The following PAMR1 variants were observed in gnomAD, a reference collection of about 807,000 sequenced individuals.
PAMR1 encodes inactive serine protease PAMR1.
In PAMR1, 88 loss-of-function variants were observed where a neutral mutation model predicts 81.8. The observed-to-expected ratio is 1.08, with a 90% CI of 0.91 to 1.28. PAMR1 has a LOEUF of 1.28. Among genes scored for constraint, PAMR1 ranks in the 50% most tolerant of loss-of-function variants. The pLI is 0.00. For missense variants in PAMR1, 935 were observed against 919.7 expected, an observed-to-expected ratio of 1.02 and a Z score of -0.21; for synonymous variants, 336 against 345.3, an observed-to-expected ratio of 0.97 and a Z score of 0.30.
chr11:35,502,384 A>C (rs1426518187), intron 1 of PAMR1, among the ~76,000 whole-genome samples: 2 of 152,114 alleles, frequency 1.3e-5, no homozygotes, highest in African/African-American at 2.4e-5. Flanking sequence ...GGCATGCATT[A>C]GCTCTTTTTC....
chr11:35,470,659 G>C lies in PAMR1; in HGVS notation c.654C>G (p.Phe218Leu), dbSNP rs1279689585. 6.2e-7 allele frequency: 1 copy of C among 1,614,160 alleles called. No individual in the cohort carries two copies. Among genetic ancestry groups the C allele is most frequent in the Admixed American group, 1.7e-5 (1 of 60,022 alleles). The part of the protein sequence containing the change: ...QSIGSSLHVL[F>L]HSDGSKNFDG... Reference sequence around the variant, plus strand: ...CAAAATTCTTGGAGCCATCGGAGTGGAAGAGGACGTGGAGTGAGGATCCTA... The same window carrying C: ...CAAAATTCTTGGAGCCATCGGAGTGCAAGAGGACGTGGAGTGAGGATCCTA... The change falls in exon 5 of 11, where the codon TTC (phenylalanine) becomes TTG (leucine). Residue 218 changes from phenylalanine (F) to leucine (L), a missense_variant. Transcript: ENST00000619888.
At chr11:35,448,975 A>C (rs1856355245) in intron 6 of PAMR1, among the ~76,000 whole-genome samples, 1 of 152,192 alleles carries the variant, frequency 6.6e-6, no homozygotes, top group Non-Finnish European at 1.5e-5. Context: ...TCACCAGTGG[A>C]GGCTGCAGCA....
chr11:35,504,423 A>AT (rs1338221027), intron 1 of PAMR1, among the ~76,000 whole-genome samples: 1 of 152,034 alleles, frequency 6.6e-6, no homozygotes, highest in African/African-American at 2.4e-5. Context: ...TCCCTCTTCA[A>AT]TTTTTTTGGT....
chr11:35,497,523 C>T (rs990447234), intron 1 of PAMR1, among the ~76,000 whole-genome samples: 8 of 152,140 alleles, frequency 5.3e-5, no homozygotes, highest in Non-Finnish European at 7.4e-5. Context: ...ATCTAATTAA[C>T]GCCACAGAAT....
intron 1 of PAMR1, among the ~76,000 whole-genome samples, chr11:35,498,529 C>T (rs192512821): frequency 4.9e-4 from 75 of 152,182 alleles, no homozygotes; most frequent in Non-Finnish European, 8.7e-4. Flanking sequence ...AAAAGAAAAA[C>T]AATAGAGAAT....
intron 1 of PAMR1, among the ~76,000 whole-genome samples, chr11:35,499,832 A>T (rs937756101): frequency 2.0e-5 from 3 of 152,206 alleles, no homozygotes; most frequent in African/African-American, 7.2e-5. Flanking sequence ...GGCAGAAGGG[A>T]TTTTACAGAT....
intron 1 of PAMR1, among the ~76,000 whole-genome samples, chr11:35,504,116 A>T (rs1344885022): frequency 3.9e-5 from 6 of 152,102 alleles, no homozygotes; most frequent in Non-Finnish European, 7.4e-5. Context: ...CTTTTTCAGC[A>T]TCTATTGAAA....
chr11:35,483,210 C>G (rs866592076), intron 3 of PAMR1, among the ~76,000 whole-genome samples: 4 of 152,140 alleles, frequency 2.6e-5, no homozygotes, highest in Non-Finnish European at 4.4e-5. Context: ...ACCAGAAGAG[C>G]CTTGAAATTC....
intron 1 of PAMR1, among the ~76,000 whole-genome samples, chr11:35,502,468 T>C (rs1272956919): frequency 6.6e-6 from 1 of 152,070 alleles, no homozygotes; most frequent in Admixed American, 6.6e-5. Flanking sequence ...TGTCCATGTG[T>C]TGTCATTTTT....
chr11:35,476,667 A>T (rs1455150145), intron 3 of PAMR1, among the ~76,000 whole-genome samples: 1 of 152,178 alleles, frequency 6.6e-6, no homozygotes, highest in Admixed American at 6.5e-5. Flanking sequence ...CTTGTTCCCG[A>T]ACATACTGTT....
intron 1 of PAMR1, among the ~76,000 whole-genome samples, chr11:35,507,797 C>T (rs998446623): frequency 2.8e-5 from 4 of 141,934 alleles, no homozygotes; most frequent in South Asian, 2.2e-4. Context: ...CTATTGAAAT[C>T]TTTTTTTTTT....
chr11:35,463,512 T>C (rs537710142), intron 6 of PAMR1, among the ~76,000 whole-genome samples: 27 of 152,316 alleles, frequency 1.8e-4, no homozygotes, highest in African/African-American at 6.3e-4. Context: ...CAAAACAAGA[T>C]TCTGACCATT....
chr11:35,484,228 A>G (rs763866924), intron 3 of PAMR1, among the ~76,000 whole-genome samples: 60 of 152,200 alleles, frequency 3.9e-4, no homozygotes, highest in Non-Finnish European at 4.4e-4. Context: ...GAGGATCCCA[A>G]TTTTGTAAAT....
intron 1 of PAMR1, among the ~76,000 whole-genome samples, chr11:35,496,873 T>G (rs999799467): frequency 6.6e-6 from 1 of 152,050 alleles, no homozygotes; most frequent in East Asian, 1.9e-4. Flanking sequence ...ATAAACAAAA[T>G]GAGGTACATG....
Position 35,432,600 on chromosome 11 carries a change from G to T in PAMR1, c.1919C>A (p.Pro640Gln), listed in dbSNP as rs993501857. 5 of 1,613,944 alleles carry T rather than the reference G, an allele frequency of 3.1e-6. No homozygotes were observed. The African/African-American group carries it at 4.0e-5, about 13-fold the overall frequency. Residue 640 changes from proline to glutamine, a missense_variant, in exon 11 of 11, where the codon CCA (proline) becomes CAA (glutamine). By Grantham distance (76) the Pro-to-Gln change is moderately conservative. Transcript: ENST00000619888. ...GAACATGTTATCAGTGACACTCACT[G>T]GGATGCCATGGTCCTCATGCTGCTC... ...CEEQHEDHGI[P>Q]VSVTDNMFCA...
At chr11:35,525,921 G>A (rs1355654102), upstream of PAMR1, 1 of 379,794 alleles carries the variant, frequency 2.6e-6, no homozygotes, top group African/African-American at 2.1e-5. Context: ...GTGCTGGGAG[G>A]AGGGGCCATA....
At chr11:35,476,476 C>G (rs1183438087) in intron 3 of PAMR1, among the ~76,000 whole-genome samples, 1 of 152,170 alleles carries the variant, frequency 6.6e-6, no homozygotes, top group African/African-American at 2.4e-5. Flanking sequence ...TGGCACTTCT[C>G]TCTCCTGCTG....
intron 2 of PAMR1, among the ~76,000 whole-genome samples, chr11:35,493,619 T>A (rs1264192309): frequency 2.0e-5 from 3 of 152,250 alleles, no homozygotes; most frequent in Admixed American, 2.0e-4. Context: ...GCTTCTCCCA[T>A]CAGCATGCTC....
chr11:35,507,634 T>C (rs1317139631), intron 1 of PAMR1, among the ~76,000 whole-genome samples: 2 of 152,192 alleles, frequency 1.3e-5, no homozygotes. Context: ...TCCCTTGTTT[T>C]GTCCATTTGG....
Sources: allele counts gnomAD v4.1 joint callset (sites outside exome capture counted in the v4.1 genomes callset), GRCh38; gene constraint gnomAD v4.1.1; transcripts MANE v1.5; gene names NCBI Gene and HGNC (gene_info 2026-07-23, HGNC 2026-07-21).